Variants in LSAMP observed in about 807,000 individuals in gnomAD.
LSAMP encodes the protein limbic system-associated membrane protein.
Under a neutral mutation model 38.6 loss-of-function variants are expected in LSAMP, and 7 were observed. That is an observed-to-expected ratio of 0.18 (90% confidence interval 0.10 to 0.34). The LOEUF is 0.34. Among genes scored for constraint, LSAMP ranks in the 10% least tolerant of loss-of-function variants. LSAMP has a pLI of 1.00. For synonymous variants in LSAMP, 154 were observed against 166.8 expected, an observed-to-expected ratio of 0.92 and a Z score of 0.59; for missense variants, 313 against 420.0, an observed-to-expected ratio of 0.75 and a Z score of 2.23.
chr3:116,021,798 A>C (rs1940645223), intron 2 of LSAMP, among the ~76,000 whole-genome samples: 1 of 152,006 alleles, frequency 6.6e-6, no homozygotes, highest in Admixed American at 6.6e-5. Flanking sequence ...ATTGACTCAC[A>C]ATCTCTCTCT....
chr3:116,103,166 G>C (rs1377038019), intron 1 of LSAMP, among the ~76,000 whole-genome samples: 3 of 152,084 alleles, frequency 2.0e-5, no homozygotes, highest in African/African-American at 7.2e-5. Context: ...AGAATATACT[G>C]ATATAATAGA....
At chr3:116,209,343 C>G (rs895052318) in intron 1 of LSAMP, among the ~76,000 whole-genome samples, 1 of 152,212 alleles carries the variant, frequency 6.6e-6, no homozygotes, top group Non-Finnish European at 1.5e-5. Context: ...GATGGAAATG[C>G]AGAAATCATC....
In LSAMP at chr3:116,113,387, A is replaced by T. The variant is rs373628474; in HGVS notation, c.156-26831T>A. On this transcript the variant is annotated intron_variant, in intron 1 of 6. Transcript: ENST00000490035. Reference sequence around the variant, plus strand: ...CGGTAGAGAAGTTTAGAAATTTTAGAAATATGTTTGCCCTATATATATATA... The same window carrying T: ...CGGTAGAGAAGTTTAGAAATTTTAGTAATATGTTTGCCCTATATATATATA... Among the ~76,000 whole-genome samples, 3 of 144,308 alleles carry T rather than the reference A, an allele frequency of 2.1e-5. No homozygotes were observed. The East Asian group carries it at 6.0e-4, about 29-fold the overall frequency. The allele number at this position is 144,308 out of a possible 152,430, so 94.7% of individuals were successfully genotyped here.
chr3:115,859,212 C>G (rs1935599190), intron 3 of LSAMP, among the ~76,000 whole-genome samples: 2 of 152,070 alleles, frequency 1.3e-5, no homozygotes, highest in Admixed American at 1.3e-4. Flanking sequence ...TCACTTTTCA[C>G]CACTGGAAGG....
intron 3 of LSAMP, among the ~76,000 whole-genome samples, chr3:115,908,349 G>T (rs1937060196): frequency 6.6e-6 from 1 of 152,058 alleles, no homozygotes; most frequent in Admixed American, 6.6e-5. Context: ...TTATTCAACT[G>T]TAGACTTAGT....
intron 1 of LSAMP, among the ~76,000 whole-genome samples, chr3:116,172,114 T>G (rs1348363463): frequency 6.6e-6 from 1 of 151,874 alleles, no homozygotes; most frequent in Non-Finnish European, 1.5e-5. Flanking sequence ...ATAAATAAAT[T>G]TATATATTTA....
At chr3:115,854,871 C>A (rs990288666) in intron 3 of LSAMP, among the ~76,000 whole-genome samples, 2 of 152,118 alleles carry the variant, frequency 1.3e-5, no homozygotes, top group Non-Finnish European at 2.9e-5. Flanking sequence ...CATTGAAAAC[C>A]TAGAATGCAG....
At chr3:115,872,662 A>G (rs1022208416) in intron 3 of LSAMP, among the ~76,000 whole-genome samples, 1 of 152,200 alleles carries the variant, frequency 6.6e-6, no homozygotes, top group East Asian at 1.9e-4. Flanking sequence ...GAACGTAAGT[A>G]TTTATTTAGT....
chr3:116,379,032 C>CACACACAT (rs1338914280), intron 1 of LSAMP, among the ~76,000 whole-genome samples: 27 of 143,904 alleles, frequency 1.9e-4, no homozygotes, highest in African/African-American at 6.3e-4. Flanking sequence ...CACACACACA[C>CACACACAT]ACGAGTCCTA....
At chr3:116,398,942 G>C (rs1382348055) in intron 1 of LSAMP, among the ~76,000 whole-genome samples, 1 of 152,128 alleles carries the variant, frequency 6.6e-6, no homozygotes, top group African/African-American at 2.4e-5. Context: ...GCTTTCCAGA[G>C]GGAAAGAAAA....
At chr3:116,135,808 T>C (rs1250278283) in intron 1 of LSAMP, among the ~76,000 whole-genome samples, 4 of 152,194 alleles carry the variant, frequency 2.6e-5, no homozygotes, top group Non-Finnish European at 5.9e-5. Flanking sequence ...TCAAATGAGA[T>C]TGAAGATAAT....
At chr3:115,929,738 G>C (rs1937550605) in intron 3 of LSAMP, among the ~76,000 whole-genome samples, 2 of 151,950 alleles carry the variant, frequency 1.3e-5, no homozygotes, top group African/African-American at 4.8e-5. Flanking sequence ...GCATAAAAGA[G>C]CCCCTCCTGA....
chr3:116,059,752 G>T (rs1019661344), intron 2 of LSAMP, among the ~76,000 whole-genome samples: 1 of 152,278 alleles, frequency 6.6e-6, no homozygotes, highest in African/African-American at 2.4e-5. Flanking sequence ...GGCTGACTCA[G>T]CTCCATCTCA....
intron 6 of LSAMP, among the ~76,000 whole-genome samples, chr3:115,821,763 A>G (rs1934247630): frequency 6.6e-6 from 1 of 152,218 alleles, no homozygotes; most frequent in Non-Finnish European, 1.5e-5. Context: ...AGAAAGGGGC[A>G]GGGTTAAAAT....
intron 1 of LSAMP, among the ~76,000 whole-genome samples, chr3:116,118,292 C>G (rs774282573): frequency 1.8e-4 from 27 of 152,062 alleles, no homozygotes; most frequent in Admixed American, 6.6e-5. Context: ...GCTCCCCATC[C>G]CAACCCCAAC....
At chr3:115,982,850 T>G (rs1430312323) in intron 3 of LSAMP, among the ~76,000 whole-genome samples, 3 of 152,170 alleles carry the variant, frequency 2.0e-5, no homozygotes, top group East Asian at 1.9e-4. Flanking sequence ...TGCCTGTCAC[T>G]GTCTTTGCTT....
At chr3:115,986,234 C>A (rs1373774353) in intron 3 of LSAMP, among the ~76,000 whole-genome samples, 1 of 152,090 alleles carries the variant, frequency 6.6e-6, no homozygotes, top group Non-Finnish European at 1.5e-5. Context: ...CTCAAGGTAG[C>A]TACAATTAGT....
chr3:116,432,174 T>C (rs1713004), intron 1 of LSAMP, among the ~76,000 whole-genome samples: 4,949 of 151,994 alleles, frequency 0.033, 259 homozygotes, highest in African/African-American at 0.11. Context: ...AAAAATTTGG[T>C]TTTCTGTATA....
intron 3 of LSAMP, among the ~76,000 whole-genome samples, chr3:115,954,954 T>C (rs985350871): frequency 1.0e-4 from 3 of 29,550 alleles, no homozygotes; most frequent in East Asian, 2.9e-3. Flanking sequence ...TCTGTTTTTG[T>C]TTTTGTTTTT....
Sources: gnomAD v4.1 joint callset for allele counts (sites outside exome capture counted in the v4.1 genomes callset) on GRCh38, gnomAD v4.1.1 for gene constraint, MANE v1.5 for transcripts, NCBI Gene and HGNC (gene_info 2026-07-23, HGNC 2026-07-21) for gene names.